HERC1: variants seen among roughly 807,000 people sequenced by gnomAD.
The protein encoded by HERC1 is HECT and RLD domain containing E3 ubiquitin protein ligase family member 1, also known as probable E3 ubiquitin-protein ligase HERC1.
HERC1 carries 160 observed loss-of-function variants against 554.3 expected under a neutral mutation model. That is an observed-to-expected ratio of 0.29 (90% CI 0.25 to 0.33). The LOEUF (loss-of-function observed/expected upper bound fraction) is 0.33, where lower values mean the gene tolerates loss of function less well. Ranked by LOEUF, HERC1 falls within the 10% of genes least tolerant of loss-of-function variation. HERC1 has a pLI of 1.00. For synonymous variants in HERC1, 2,175 were observed against 2,131.7 expected (o/e 1.02, Z -0.56); for missense variants, 4,919 against 5,918.5 (o/e 0.83, Z 5.54).
At position 63,794,528 on chromosome 15, in the gene HERC1, C is replaced by T. The variant is rs192038816; in HGVS notation, c.-26-18879G>A. 7.9e-5 allele frequency among the ~76,000 whole-genome samples: 12 copies of T among 152,250 alleles called. No individual in the cohort carries two copies. In the East Asian group the frequency reaches 2.3e-3, roughly 29 times the overall value. On this transcript the variant is annotated intron_variant, in intron 1 of 77. Transcript: ENST00000443617. ...AGTCTTTCCAGTGACCAGCCCCAAT[C>T]CTGAAGCTAACCAGAGGTGACCAGG...
At chr15:63,772,995 G>C (rs1054453536) in intron 2 of HERC1, among the ~76,000 whole-genome samples, 2 of 152,120 alleles carry the variant, frequency 1.3e-5, no homozygotes, top group Non-Finnish European at 2.9e-5. Context: ...AACATAATTG[G>C]ATTTTATGAG....
rs369327928 is a variant in HERC1, at chr15:63,652,425, C to T, written c.10407G>A (p.Val3469=). 1.9e-6 allele frequency: 3 copies of T among 1,612,520 alleles called. No homozygotes were observed. Among genetic ancestry groups the T allele is most frequent in the Non-Finnish European group, 2.5e-6 (3 of 1,179,106 alleles). Residue 3469 remains valine (V), a synonymous_variant, in exon 52 of 78, where the codon GTG becomes GTA. Coordinates refer to ENST00000443617, the MANE Select transcript of HERC1 (RefSeq NM_003922.4). ...KKQYSLQQTC[V]FNRLEGDAEE... is the part of the protein sequence containing the mutation. ...ATGTTAGCACTCACAATCTGTTGAA[C>T]ACACAGGTCTGTTGCAGTGAATATT... is the stretch of plus-strand genomic sequence containing the variant.
At chr15:63,651,806 G>A (rs1031307588) in intron 52 of HERC1, among the ~76,000 whole-genome samples, 12 of 152,156 alleles carry the variant, frequency 7.9e-5, no homozygotes, top group African/African-American at 2.9e-4. Flanking sequence ...GGGAGGCTGG[G>A]GCAGGCAGAT....
At chr15:63,708,275 A>G (rs1333915702) in intron 24 of HERC1, among the ~76,000 whole-genome samples, 2 of 152,054 alleles carry the variant, frequency 1.3e-5, no homozygotes, top group Non-Finnish European at 2.9e-5. Context: ...CTCTTGAACA[A>G]TTTTGTTTTT....
intron 25 of HERC1, among the ~76,000 whole-genome samples, chr15:63,700,485 T>C (rs761125540): frequency 1.3e-5 from 2 of 152,056 alleles, no homozygotes; most frequent in Non-Finnish European, 2.9e-5. Flanking sequence ...TGAATTACTA[T>C]ACTGGTGTCA....
intron 69 of HERC1, among the ~76,000 whole-genome samples, chr15:63,629,493 CA>C (rs1443670872): frequency 6.6e-6 from 1 of 152,118 alleles, no homozygotes; most frequent in African/African-American, 2.4e-5. Context: ...TAAACATATA[CA>C]AAAACATATA....
chr15:63,713,230 C>T (rs1371472513), intron 23 of HERC1, 123 bp downstream of exon 23: 2 of 813,242 alleles, frequency 2.5e-6, no homozygotes, highest in African/African-American at 1.7e-5. Flanking sequence ...AGTCAATTTG[C>T]ATTTCTTCTT....
intron 21 of HERC1, among the ~76,000 whole-genome samples, chr15:63,717,041 C>A (rs963347302): frequency 1.3e-5 from 2 of 152,128 alleles, no homozygotes; most frequent in Non-Finnish European, 2.9e-5. Context: ...AGAAAAGAAT[C>A]CTTAAAACAG....
At position 63,698,854 on chromosome 15, in the gene HERC1, T is replaced by G; in HGVS notation, c.4779A>C (p.Glu1593Asp). 1 of 1,613,988 alleles carries G rather than the reference T, an allele frequency of 6.2e-7. No individual in the cohort carries two copies. The highest frequency in any genetic ancestry group is 8.5e-7 in the Non-Finnish European group (1 of 1,179,874). The stretch of plus-strand genomic sequence containing the variant: ...CTCCACTCACAAAGCTTACAACATT[T>G]TCAATCAAAGTGTGAACTCCCAAAG... ...TKSLGVHTLI[E>D]NVVSFVSGDV... is the part of the protein sequence containing the mutation. Residue 1593 changes from glutamate (E) to aspartate (D), a missense_variant, in exon 26 of 78, where the codon GAA becomes GAC. By Grantham distance (45) the Glu-to-Asp change is conservative. Coordinates refer to ENST00000443617, the MANE Select transcript of HERC1 (RefSeq NM_003922.4).
At position 63,808,124 on chromosome 15, in the gene HERC1, C is replaced by CAAAA. The variant is rs148179105; in HGVS notation, c.-27+25699_-27+25702dup. ...ATAACATTATAGTAATTCTAGTTGA[C>CAAAA]AAAAAAAAAAAAATACATCACTACA... On this transcript the variant is annotated intron_variant, in intron 1 of 77. Transcript: ENST00000443617. Among the ~76,000 whole-genome samples the CAAAA allele has an allele frequency of 1.8e-4, 26 of 144,784 alleles. 1 individual carries two copies. The highest frequency in any genetic ancestry group is 5.8e-4 in the African/African-American group (23 of 39,640). The allele number at this position is 144,784 out of a possible 152,430, so 95.0% of individuals were successfully genotyped here.
rs545296368 is a variant in HERC1 at position 63,819,191 on chromosome 15, G to A, written c.-27+14636C>T. On this transcript the variant is annotated intron_variant, in intron 1 of 77. Transcript: ENST00000443617. ...AAATAGCAATTTCTAGGCTTTGGTT[G>A]CAGAACCAGAACCAGTTCATTTCTG... Among the ~76,000 whole-genome samples, 7 of 152,166 alleles carry A rather than the reference G, an allele frequency of 4.6e-5. No individual in the cohort carries two copies. In the South Asian group the frequency reaches 1.5e-3, roughly 32 times the overall value.
At chr15:63,750,627 T>G (rs942604890) in intron 8 of HERC1, among the ~76,000 whole-genome samples, 2 of 152,158 alleles carry the variant, frequency 1.3e-5, no homozygotes, top group Non-Finnish European at 2.9e-5. Context: ...ATTAAACCAC[T>G]TCAATTAAAA....
Position 63,622,824 on chromosome 15 carries a change from T to C in HERC1, c.13679A>G (p.Asn4560Ser). ...SPNATAEVGY[N>S]RDRFLFNPSA... ...TTGCTGACTGCCATACCTGTCCCTA[T>C]TGTAACCCACTTCTGCGGTGGCATT... The change falls in exon 74 of 78, where the codon AAT becomes AGT. Residue 4560 changes from asparagine to serine, a missense_variant. Physicochemically the swap from Asn to Ser is conservative, Grantham distance 46. Coordinates refer to ENST00000443617, the MANE Select transcript of HERC1 (RefSeq NM_003922.4). 1.2e-6 allele frequency: 2 copies of C among 1,604,568 alleles called. No homozygotes were observed. The highest frequency in any genetic ancestry group is 1.7e-6 in the Non-Finnish European group (2 of 1,175,820).
At chr15:63,632,501 T>C (rs1397074291) in intron 68 of HERC1, 1 of 639,954 alleles carries the variant, frequency 1.6e-6, no homozygotes, top group Non-Finnish European at 2.8e-6. Flanking sequence ...GGCTCTGGCA[T>C]AAGGGGTCTT....
chr15:63,790,102 A>T (rs1295012171), intron 1 of HERC1, among the ~76,000 whole-genome samples: 1 of 152,126 alleles, frequency 6.6e-6, no homozygotes, highest in Non-Finnish European at 1.5e-5. Context: ...AATATAATGG[A>T]TAATAAAAGA....
chr15:63,639,677 T>C (rs1722423487), intron 61 of HERC1, among the ~76,000 whole-genome samples: 1 of 152,248 alleles, frequency 6.6e-6, no homozygotes, highest in African/African-American at 2.4e-5. Flanking sequence ...ATTTTATCTA[T>C]GTCACAGTTT....
At chr15:63,687,958 G>A (rs996739952) in intron 33 of HERC1, among the ~76,000 whole-genome samples, 4 of 152,190 alleles carry the variant, frequency 2.6e-5, no homozygotes, top group Admixed American at 1.3e-4. Context: ...TGAGCAAAAG[G>A]GAAAGGTCAA....
intron 64 of HERC1, chr15:63,637,004 T>C (rs1235167301): frequency 7.7e-6 from 3 of 388,852 alleles, no homozygotes; most frequent in Non-Finnish European, 1.5e-5. Context: ...AAACCGTCGG[T>C]GCTCTCTTTG....
In HERC1 at chr15:63,775,290, G is replaced by A. The variant is rs781309439; in HGVS notation, c.334C>T (p.Arg112Cys). ...ALRKRLLVLQ[R>C]VFYALSNKYH... ...TTATTAGAAAGTGCATAAAAGACAC[G>A]CTGGAGTACAAGCAGTCGTTTTCTA... Residue 112 changes from arginine (R) to cysteine (C), a missense_variant, in exon 2 of 78, where the codon CGT (arginine) becomes TGT (cysteine). Arg to Cys is a radical substitution (Grantham distance 180). Transcript: ENST00000443617. This position sits in a 1 kb window ranked among gnomAD's most constrained non-coding sequence, Gnocchi z 4.0. The A allele has an allele frequency of 3.0e-5, 48 of 1,613,834 alleles. No individual in the cohort carries two copies. The highest frequency in any genetic ancestry group is 4.1e-5 in the Non-Finnish European group (48 of 1,179,870).
Sources: allele counts gnomAD v4.1 joint callset (sites outside exome capture counted in the v4.1 genomes callset), GRCh38; gene constraint gnomAD v4.1.1; non-coding constraint Gnocchi (gnomAD v3.1); transcripts MANE v1.5; gene names NCBI Gene and HGNC (gene_info 2026-07-23, HGNC 2026-07-21).